SLC37A2: variants seen among roughly 807,000 people sequenced by gnomAD.
SLC37A2 encodes glucose-6-phosphate exchanger SLC37A2.
In SLC37A2, 59 loss-of-function variants were observed where a neutral mutation model predicts 70.7. That is an observed-to-expected ratio of 0.83 (90% CI 0.68 to 1.04). SLC37A2 has a LOEUF of 1.04. Among genes scored for constraint, SLC37A2 ranks in the 50% least tolerant of loss-of-function variants. The pLI, the probability that SLC37A2 is intolerant of heterozygous loss-of-function variation, is 0.00. For synonymous variants in SLC37A2, 257 were observed against 262.1 expected (o/e 0.98, Z 0.19); for missense variants, 580 against 658.1 (o/e 0.88, Z 1.30).
chr11:125,063,689 T>TCTCCATCGTTTCCCGTTTCCATC lies in SLC37A2; in HGVS notation c.59+268_59+290dup, dbSNP rs1458136880. 6.6e-6 allele frequency among the ~76,000 whole-genome samples: 1 copy of TCTCCATCGTTTCCCGTTTCCATC among 151,918 alleles called. No homozygotes were observed. On this transcript the variant is annotated intron_variant, in intron 1 of 17. Coordinates refer to ENST00000403796, the MANE Select transcript of SLC37A2 (RefSeq NM_001145290.2). This position sits in a 1 kb window ranked among gnomAD's most constrained non-coding sequence, Gnocchi z 5.4. The stretch of plus-strand genomic sequence containing the variant: ...GGGAAGAACAGGCTGCCAGGGAGGG[T>TCTCCATCGTTTCCCGTTTCCATC]CTCCATCGTTTCCCGTTTCCATCCT...
rs1367058289 is a variant in SLC37A2 at position 125,083,187 on chromosome 11, GCT to G, written c.977-625_977-624del. ...AGTTCAAGCCATAGCTTGCCCCGCA[GCT>G]CTGTCGGGGCCTCTCTCGTGACAGT... On this transcript the variant is annotated intron_variant, in intron 10 of 17. Coordinates refer to ENST00000403796, the MANE Select transcript of SLC37A2 (RefSeq NM_001145290.2). This position sits in a 1 kb window ranked among gnomAD's most constrained non-coding sequence, Gnocchi z 4.6. 3.3e-5 allele frequency: 5 copies of G among 152,556 alleles called. No homozygotes were observed. The highest frequency in any genetic ancestry group is 1.2e-4 in the African/African-American group (5 of 41,456). The allele number at this position is 152,556 out of a possible 1,614,324, so 9.5% of individuals were successfully genotyped here.
At chr11:125,076,413 C>G (rs543817267) in intron 1 of SLC37A2, among the ~76,000 whole-genome samples, 70 of 152,304 alleles carry the variant, frequency 4.6e-4, no homozygotes, top group Non-Finnish European at 8.7e-4. Context: ...CCACCTCTGC[C>G]ACACACATGC....
intron 5 of SLC37A2, 105 bp downstream of exon 5, chr11:125,079,352 C>A: frequency 6.9e-7 from 1 of 1,442,102 alleles, no homozygotes. Flanking sequence ...GCTCCCTGTC[C>A]AGTGCTCTCT....
rs531810244 is a variant in SLC37A2, at chr11:125,076,644, T to C, written c.60-113T>C. On this transcript the variant is annotated intron_variant, in intron 1 of 17. Coordinates refer to ENST00000403796, the MANE Select transcript of SLC37A2 (RefSeq NM_001145290.2). Reference sequence around the variant, plus strand: ...GCCTCTGCACCAAGAAGGAAAGAGTTGGTGGTCCTCAGGCCCTGGGACTGC... The same window carrying C: ...GCCTCTGCACCAAGAAGGAAAGAGTCGGTGGTCCTCAGGCCCTGGGACTGC... The C allele has an allele frequency of 3.2e-5, 30 of 935,612 alleles. No individual in the cohort carries two copies. The South Asian group carries it at 3.9e-4, about 12-fold the overall frequency. 58.0% of individuals were successfully genotyped at this position (935,612 alleles called of 1,614,324 possible).
At chr11:125,079,839 T>C in intron 6 of SLC37A2, 79 bp downstream of exon 6, 2 of 1,128,416 alleles carry the variant, frequency 1.8e-6, no homozygotes, top group Non-Finnish European at 2.6e-6. Context: ...GCCTCTGATG[T>C]AATTTCAGAG....
intron 1 of SLC37A2, among the ~76,000 whole-genome samples, chr11:125,076,209 G>A (rs1307797914): frequency 6.6e-6 from 1 of 152,142 alleles, no homozygotes; most frequent in East Asian, 1.9e-4. Flanking sequence ...TAAGAAGAGG[G>A]CTGGGGTCTG....
intron 1 of SLC37A2, among the ~76,000 whole-genome samples, chr11:125,067,205 C>T (rs1948989743): frequency 6.6e-6 from 1 of 152,170 alleles, no homozygotes; most frequent in Admixed American, 6.5e-5. Context: ...TCTCAAACTC[C>T]TGGCCTAAAG....
intron 1 of SLC37A2, among the ~76,000 whole-genome samples, chr11:125,070,203 C>T (rs1468293388): frequency 6.6e-6 from 1 of 152,118 alleles, no homozygotes; most frequent in Non-Finnish European, 1.5e-5. Context: ...TCCCACACCT[C>T]GATCTTCCCC....
At chr11:125,079,057 G>T (rs773048026) in intron 4 of SLC37A2, 55 bp from the exon 5 acceptor site, 10 of 1,610,532 alleles carry the variant, frequency 6.2e-6, no homozygotes, top group Admixed American at 5.0e-5. Flanking sequence ...ACATGGTAGG[G>T]AGTTGAGGTG....
At chr11:125,064,906 C>A (rs987168671) in intron 1 of SLC37A2, among the ~76,000 whole-genome samples, 1 of 151,988 alleles carries the variant, frequency 6.6e-6, no homozygotes, top group African/African-American at 2.4e-5. Flanking sequence ...CTTAATGCCA[C>A]CTAAATGTAG....
chr11:125,082,146 A>T, intron 9 of SLC37A2, 98 bp from the exon 10 acceptor site: 1 of 1,209,270 alleles, frequency 8.3e-7, no homozygotes, highest in Non-Finnish European at 1.2e-6. Flanking sequence ...GTGGCAGGTG[A>T]TGGAAAGTAC....
chr11:125,076,571 C>A (rs1220548804), intron 1 of SLC37A2, among the ~76,000 whole-genome samples, 186 bp from the exon 2 acceptor site: 4 of 152,182 alleles, frequency 2.6e-5, no homozygotes, highest in African/African-American at 9.7e-5. Context: ...GGAGACAGGT[C>A]CCTCTGAGCA....
intron 8 of SLC37A2, 126 bp from the exon 9 acceptor site, chr11:125,081,628 T>C: frequency 4.2e-6 from 6 of 1,415,762 alleles, no homozygotes; most frequent in African/African-American, 1.4e-5. Flanking sequence ...GGCAGGTCAG[T>C]CCAGCCCGAG....
chr11:125,069,689 C>A (rs913752824), intron 1 of SLC37A2, among the ~76,000 whole-genome samples: 1 of 152,224 alleles, frequency 6.6e-6, no homozygotes, highest in South Asian at 2.1e-4. Context: ...GAAGTAGTAA[C>A]ATGTAGCTCC....
chr11:125,066,309 G>A (rs1228051422), intron 1 of SLC37A2, among the ~76,000 whole-genome samples: 1 of 152,210 alleles, frequency 6.6e-6, no homozygotes, highest in East Asian at 1.9e-4. Context: ...GGCTGAGGTG[G>A]GAGGATCCCT....
intron 1 of SLC37A2, among the ~76,000 whole-genome samples, chr11:125,075,834 G>T (rs1949080314): frequency 6.6e-6 from 1 of 152,180 alleles, no homozygotes; most frequent in Admixed American, 6.5e-5. Context: ...GGCTTCAGGA[G>T]CCCTCCCACC....
chr11:125,068,539 C>T (rs955279797), intron 1 of SLC37A2, among the ~76,000 whole-genome samples: 1 of 152,142 alleles, frequency 6.6e-6, no homozygotes, highest in African/African-American at 2.4e-5. Context: ...AGGCCCTGCT[C>T]TACTTATTGA....
chr11:125,073,764 C>T (rs1393641512), intron 1 of SLC37A2, among the ~76,000 whole-genome samples: 1 of 152,246 alleles, frequency 6.6e-6, no homozygotes, highest in South Asian at 2.1e-4. Context: ...CCCCGTGATG[C>T]TGCTATGTCC....
chr11:125,086,943 A>T (rs1046447240), intron 17 of SLC37A2: 5 of 156,858 alleles, frequency 3.2e-5, no homozygotes, highest in African/African-American at 1.2e-4. Context: ...CCACTTAAGG[A>T]AGACACCACC....
Sources: allele counts gnomAD v4.1 joint callset (sites outside exome capture counted in the v4.1 genomes callset), GRCh38; gene constraint gnomAD v4.1.1; non-coding constraint Gnocchi (gnomAD v3.1); transcripts MANE v1.5; gene names NCBI Gene and HGNC (gene_info 2026-07-23, HGNC 2026-07-21).